Variants in SLC26A7 observed in about 807,000 individuals in gnomAD.
The protein encoded by SLC26A7 is anion exchange transporter.
SLC26A7 carries 59 observed loss-of-function variants against 82.5 expected under a neutral mutation model. The observed-to-expected ratio is 0.72, with a 90% CI of 0.58 to 0.89. The LOEUF is 0.89. SLC26A7 is among the 40% of genes least tolerant of loss of function. The pLI is 0.00. For missense variants in SLC26A7, 820 were observed against 793.0 expected (o/e 1.03, Z -0.41); for synonymous variants, 271 against 274.3 (o/e 0.99, Z 0.12).
chr8:91,286,141 G>T lies in SLC26A7; in HGVS notation c.194-2995G>T, dbSNP rs112734675. 7.0e-3 allele frequency among the ~76,000 whole-genome samples: 1,066 copies of T among 152,244 alleles called. 8 individuals carry two copies. Among genetic ancestry groups the T allele is most frequent in the Non-Finnish European group, 0.011 (763 of 68,010 alleles). ...ATTGAGCTACTTACATGCTTTCATG[G>T]CCCTTCTTGGTCTGGGGTCAGGCAC... is the stretch of plus-strand genomic sequence containing the variant. On this transcript the variant is annotated intron_variant, in intron 2 of 18. Coordinates refer to ENST00000276609, the MANE Select transcript of SLC26A7 (RefSeq NM_052832.4).
At chr8:91,371,787 T>G (rs1030828765) in intron 15 of SLC26A7, among the ~76,000 whole-genome samples, 8 of 152,006 alleles carry the variant, frequency 5.3e-5, no homozygotes, top group Non-Finnish European at 1.2e-4. Flanking sequence ...TATTTTTAGT[T>G]CTTTGAGAAA....
At chr8:91,285,063 G>GT (rs1811673497) in intron 2 of SLC26A7, among the ~76,000 whole-genome samples, 1 of 152,324 alleles carries the variant, frequency 6.6e-6, no homozygotes, top group Middle Eastern at 3.4e-3. Context: ...GTGTTGACAG[G>GT]TTTGGTTTCT....
chr8:91,234,827 ACTT>A (rs1354166346), intron 2 of SLC26A7, among the ~76,000 whole-genome samples: 3 of 92,494 alleles, frequency 3.2e-5, no homozygotes, highest in Admixed American at 2.2e-4. Flanking sequence ...CTACCTACCT[ACTT>A]CCTTCCTTCC....
At chr8:91,346,517 TC>T (rs1394693786) in intron 9 of SLC26A7, among the ~76,000 whole-genome samples, 1 of 152,146 alleles carries the variant, frequency 6.6e-6, no homozygotes, top group African/African-American at 2.4e-5. Flanking sequence ...TGATAAACAA[TC>T]TTCATTTTTT....
At position 91,274,028 on chromosome 8, in the gene SLC26A7, T is replaced by A. The variant is rs549274326; in HGVS notation, c.194-15108T>A. Among the ~76,000 whole-genome samples, 12 of 152,330 alleles carry A rather than the reference T, an allele frequency of 7.9e-5. No homozygotes were observed. In the South Asian group the frequency reaches 2.5e-3, roughly 32 times the overall value. ...GGTTTTTAACTTTGGATGTATCACT[T>A]GAACAAGTTCTTCAGCTGCTCTAAG... On this transcript the variant is annotated intron_variant, in intron 2 of 18. Transcript: ENST00000276609.
chr8:91,228,997 CATT>C (rs1158858592), intron 2 of SLC26A7, among the ~76,000 whole-genome samples: 3 of 152,206 alleles, frequency 2.0e-5, no homozygotes, highest in Non-Finnish European at 4.4e-5. Context: ...ATAAGGAAGA[CATT>C]ATCCAAACTT....
rs917811814 is a variant in SLC26A7 at position 91,397,788 on chromosome 8, A to C, written c.*2691A>C. 2 of 152,550 alleles carry C rather than the reference A, an allele frequency of 1.3e-5. No individual in the cohort carries two copies. The highest frequency in any genetic ancestry group is 4.8e-5 in the African/African-American group (2 of 41,454). 9.4% of individuals were successfully genotyped at this position (152,550 alleles called of 1,614,324 possible). A position where few individuals can be genotyped will look rare whatever the true frequency, so the allele number is the denominator to read the frequency against. On this transcript the variant is annotated 3_prime_UTR_variant, in exon 19 of 19. Transcript: ENST00000276609. ...ATCTTTCTTTTTTAATGAAAACATT[A>C]ATGTGTTAATACCCTGTATGGATAA...
intron 4 of SLC26A7, among the ~76,000 whole-genome samples, chr8:91,308,242 AAG>A (rs1812377292): frequency 6.9e-6 from 1 of 144,492 alleles, no homozygotes; most frequent in Admixed American, 6.9e-5. Context: ...TTTTAGGAGG[AAG>A]AGGTGTGTGT....
chr8:91,369,785 T>C lies in SLC26A7; in HGVS notation c.1627T>C (p.Cys543Arg). Reference sequence around the variant, plus strand: ...TTCTTTATGTTTGTTTTTATTTTAGTGTGAACAAAACACATTGCTTAATTC... The same window carrying C: ...TTCTTTATGTTTGTTTTTATTTTAGCGTGAACAAAACACATTGCTTAATTC... Reference protein sequence around the residue: ...CNQPLDDISKCEQNTLLNSLS... With the variant: ...CNQPLDDISKREQNTLLNSLS... The change falls in exon 15 of 19, where the codon TGT becomes CGT. Residue 543 changes from cysteine (C) to arginine (R), a missense_variant and splice_region_variant. Transcript: ENST00000276609. The C allele has an allele frequency of 6.3e-7, 1 of 1,581,894 alleles. No homozygotes were observed. Among genetic ancestry groups the C allele is most frequent in the African/African-American group, 1.4e-5 (1 of 73,328 alleles).
At chr8:91,281,183 A>G (rs957756141) in intron 2 of SLC26A7, among the ~76,000 whole-genome samples, 3 of 152,242 alleles carry the variant, frequency 2.0e-5, no homozygotes, top group Non-Finnish European at 4.4e-5. Flanking sequence ...TAAAGATTCA[A>G]AGATATATAA....
chr8:91,368,078 A>T (rs1298608360), intron 14 of SLC26A7, among the ~76,000 whole-genome samples: 1 of 152,210 alleles, frequency 6.6e-6, no homozygotes, highest in South Asian at 2.1e-4. Context: ...ACAGAAGATC[A>T]TTAAGCCAGA....
chr8:91,310,762 G>A (rs952759158), intron 4 of SLC26A7, among the ~76,000 whole-genome samples: 5 of 152,098 alleles, frequency 3.3e-5, no homozygotes, highest in African/African-American at 9.7e-5. Flanking sequence ...TAGCAGGCCA[G>A]TGTGCATGCA....
At chr8:91,366,738 AG>A in intron 14 of SLC26A7, 21 bp downstream of exon 14, 1 of 1,602,860 alleles carries the variant, frequency 6.2e-7, no homozygotes, top group Non-Finnish European at 8.5e-7. Context: ...TGGTTTGATT[AG>A]AATGTCATAC....
chr8:91,213,770 G>T (rs1420370631), intron 1 of SLC26A7, among the ~76,000 whole-genome samples: 1 of 152,134 alleles, frequency 6.6e-6, no homozygotes, highest in Non-Finnish European at 1.5e-5. Flanking sequence ...CAGATACATG[G>T]AGAAGAAAGT....
At chr8:91,281,399 G>A (rs1811569220) in intron 2 of SLC26A7, among the ~76,000 whole-genome samples, 1 of 152,098 alleles carries the variant, frequency 6.6e-6, no homozygotes, top group Non-Finnish European at 1.5e-5. Context: ...ATTGATACAG[G>A]CATTGAAATT....
intron 1 of SLC26A7, among the ~76,000 whole-genome samples, chr8:91,217,945 A>T (rs1218521566): frequency 6.6e-6 from 1 of 152,098 alleles, no homozygotes; most frequent in South Asian, 2.1e-4. Flanking sequence ...AGGGGATGTG[A>T]CTTATGACTT....
At chr8:91,221,030 C>T (rs1225934870) in intron 2 of SLC26A7, among the ~76,000 whole-genome samples, 1 of 152,190 alleles carries the variant, frequency 6.6e-6, no homozygotes, top group Admixed American at 6.5e-5. Context: ...TCACCAGCAT[C>T]TATTGTTCCC....
chr8:91,267,687 CTA>C (rs1264812684), intron 2 of SLC26A7, among the ~76,000 whole-genome samples: 3 of 151,580 alleles, frequency 2.0e-5, no homozygotes, highest in Non-Finnish European at 4.4e-5. Context: ...TTAATTTTGT[CTA>C]TCTTTAAGAA....
intron 5 of SLC26A7, among the ~76,000 whole-genome samples, chr8:91,328,990 T>C (rs2130822966): frequency 6.6e-6 from 1 of 152,266 alleles, no homozygotes; most frequent in Non-Finnish European, 1.5e-5. Context: ...GAACTAATAT[T>C]ACAGTTTTAT....
Sources: allele counts gnomAD v4.1 joint callset (sites outside exome capture counted in the v4.1 genomes callset), GRCh38; gene constraint gnomAD v4.1.1; transcripts MANE v1.5; gene names NCBI Gene and HGNC (gene_info 2026-07-23, HGNC 2026-07-21).